MAPKAP1: variants seen among roughly 807,000 people sequenced by gnomAD.
MAPKAP1 encodes MAPK associated protein 1.
A neutral mutation model predicts 65.7 loss-of-function variants in MAPKAP1; 20 were observed. The observed-to-expected ratio is 0.30, with a 90% CI of 0.21 to 0.44. MAPKAP1 has a LOEUF of 0.44. MAPKAP1 is among the 20% of genes least tolerant of loss of function. The pLI is 1.00. For synonymous variants in MAPKAP1, 222 were observed against 244.3 expected (o/e 0.91, Z 0.85); for missense variants, 423 against 648.0 (o/e 0.65, Z 3.77).
intron 4 of MAPKAP1, among the ~76,000 whole-genome samples, chr9:125,639,595 T>C (rs573443677): frequency 2.4e-4 from 37 of 152,160 alleles, no homozygotes; most frequent in Middle Eastern, 3.4e-3. Context: ...CACAGGGAAG[T>C]GGGGGAGAGA....
At chr9:125,617,794 AATT>A (rs1475963628) in intron 4 of MAPKAP1, among the ~76,000 whole-genome samples, 1 of 152,196 alleles carries the variant, frequency 6.6e-6, no homozygotes, top group Admixed American at 6.5e-5. Flanking sequence ...AAAGCAAGGG[AATT>A]AAAGACACAT....
chr9:125,468,170 A>C, intron 9 of MAPKAP1, 61 bp from the exon 10 acceptor site: 2 of 1,537,740 alleles, frequency 1.3e-6, no homozygotes, highest in Non-Finnish European at 1.8e-6. Flanking sequence ...AAGTGATTTC[A>C]GGGAAATCAT....
At chr9:125,442,127 T>TC (rs1318418123) in intron 11 of MAPKAP1, among the ~76,000 whole-genome samples, 30 of 26,234 alleles carry the variant, frequency 1.1e-3, no homozygotes, top group African/African-American at 8.6e-3. Context: ...AGACTCTGTC[T>TC]CAAAAAAAAA....
chr9:125,693,585 ACACG>A, intron 1 of MAPKAP1, among the ~76,000 whole-genome samples: 2 of 151,132 alleles, frequency 1.3e-5, no homozygotes, highest in South Asian at 4.2e-4. Context: ...ACACATATAT[ACACG>A]TATACACACA....
chr9:125,620,847 G>A (rs749310654), intron 4 of MAPKAP1, among the ~76,000 whole-genome samples: 14 of 151,514 alleles, frequency 9.2e-5, no homozygotes, highest in Non-Finnish European at 1.9e-4. Flanking sequence ...ACCTAGTAAA[G>A]TGGGTATGGG....
At chr9:125,680,028 A>T (rs1834774365) in intron 1 of MAPKAP1, among the ~76,000 whole-genome samples, 1 of 152,160 alleles carries the variant, frequency 6.6e-6, no homozygotes, top group Non-Finnish European at 1.5e-5. Flanking sequence ...CTATTATTGT[A>T]CTTGAAATGA....
chr9:125,481,869 G>A (rs942591285), intron 9 of MAPKAP1, among the ~76,000 whole-genome samples: 4 of 151,954 alleles, frequency 2.6e-5, no homozygotes, highest in Non-Finnish European at 4.4e-5. Context: ...GGTGGTTCAC[G>A]CCTGTAATCC....
intron 4 of MAPKAP1, among the ~76,000 whole-genome samples, chr9:125,617,477 A>G (rs1346129870): frequency 6.6e-6 from 1 of 152,214 alleles, no homozygotes; most frequent in Non-Finnish European, 1.5e-5. Flanking sequence ...AAATCTTTTT[A>G]AAAGTCTGTA....
intron 10 of MAPKAP1, among the ~76,000 whole-genome samples, chr9:125,456,529 C>T (rs1853168290): frequency 6.6e-6 from 1 of 152,180 alleles, no homozygotes; most frequent in Non-Finnish European, 1.5e-5. Context: ...GTGGCCTGGA[C>T]CTAGCGACTT....
rs776036826 is a variant in MAPKAP1 at position 125,506,341 on chromosome 9, G to A, written c.1035C>T (p.Ser345=). Residue 345 remains serine, a synonymous_variant, in exon 8 of 12, where the codon AGC becomes AGT. Coordinates refer to ENST00000265960, the MANE Select transcript of MAPKAP1 (RefSeq NM_001006617.3). Reference sequence around the variant, plus strand: ...CGCGGACCAGGCAGAACTCCCATGCGCTCTGGCTCTCCAAAGTGCTGTCCA... The same window carrying A: ...CGCGGACCAGGCAGAACTCCCATGCACTCTGGCTCTCCAAAGTGCTGTCCA... The part of the protein sequence containing the change: ...VDLDSTLESQ[S]AWEFCLVREN... 2 of 1,614,082 alleles carry A rather than the reference G, an allele frequency of 1.2e-6. No homozygotes were observed. Among genetic ancestry groups the A allele is most frequent in the Non-Finnish European group, 8.5e-7 (1 of 1,180,028 alleles).
rs1340410802 is a variant in MAPKAP1, at chr9:125,447,510, G to T, written c.1346-2912C>A. On this transcript the variant is annotated intron_variant, in intron 10 of 11. Coordinates refer to ENST00000265960, the MANE Select transcript of MAPKAP1 (RefSeq NM_001006617.3). This position sits in a 1 kb window ranked among gnomAD's most constrained non-coding sequence, Gnocchi z 4.5. ...ACCCTGGGGGGCAAGGGCAGGTTAA[G>T]ATCAGCAGCCATGCTGGGCCATAGG... 4.4e-6 allele frequency: 2 copies of T among 456,372 alleles called. No homozygotes were observed. The highest frequency in any genetic ancestry group is 8.8e-6 in the Non-Finnish European group (2 of 226,952). The allele number at this position is 456,372 out of a possible 1,614,324, so 28.3% of individuals were successfully genotyped here.
At chr9:125,610,837 T>C (rs940674436) in intron 4 of MAPKAP1, among the ~76,000 whole-genome samples, 17 of 152,182 alleles carry the variant, frequency 1.1e-4, no homozygotes, top group Admixed American at 1.0e-3. Context: ...GCAGATCCTA[T>C]TGGGAAAAAC....
At chr9:125,607,090 G>A (rs994273968) in intron 4 of MAPKAP1, among the ~76,000 whole-genome samples, 8 of 152,138 alleles carry the variant, frequency 5.3e-5, no homozygotes, top group African/African-American at 1.9e-4. Flanking sequence ...AAGAATGAAT[G>A]AAATGGCATA....
chr9:125,673,403 T>C, intron 1 of MAPKAP1, among the ~76,000 whole-genome samples: 1 of 152,080 alleles, frequency 6.6e-6, no homozygotes, highest in East Asian at 1.9e-4. Context: ...ATTTTGTATT[T>C]TTAGTAGAAA....
intron 5 of MAPKAP1, among the ~76,000 whole-genome samples, chr9:125,582,740 T>A (rs1831662130): frequency 6.6e-6 from 1 of 152,262 alleles, no homozygotes; most frequent in African/African-American, 2.4e-5. Flanking sequence ...CAGCTTCTAG[T>A]TTCTGTCATT....
At chr9:125,596,380 G>A (rs1167483633) in intron 4 of MAPKAP1, 11 of 811,426 alleles carry the variant, frequency 1.4e-5, no homozygotes, top group Non-Finnish European at 2.4e-5. Context: ...GGATATGGTG[G>A]CAGTAGGGAT....
At chr9:125,599,552 A>C (rs2131607558) in intron 4 of MAPKAP1, among the ~76,000 whole-genome samples, 1 of 152,246 alleles carries the variant, frequency 6.6e-6, no homozygotes, top group Admixed American at 6.5e-5. Context: ...CAGCACAGAA[A>C]ATGGCATTTT....
At chr9:125,514,957 T>A (rs145071963) in intron 7 of MAPKAP1, among the ~76,000 whole-genome samples, 1 of 152,256 alleles carries the variant, frequency 6.6e-6, no homozygotes, top group African/African-American at 2.4e-5. Context: ...GTCAGCTCCA[T>A]CGCTTATAAC....
At chr9:125,698,348 A>T (rs1379977192) in intron 1 of MAPKAP1, among the ~76,000 whole-genome samples, 9 of 129,130 alleles carry the variant, frequency 7.0e-5, no homozygotes, top group East Asian at 2.3e-4. Context: ...AAATATATAT[A>T]TTTTTTGAGA....
Sources: gnomAD v4.1 joint callset for allele counts (sites outside exome capture counted in the v4.1 genomes callset) on GRCh38, gnomAD v4.1.1 for gene constraint, Gnocchi (gnomAD v3.1) non-coding constraint, MANE v1.5 for transcripts, NCBI Gene and HGNC (gene_info 2026-07-23, HGNC 2026-07-21) for gene names.